Variants in MARK1 observed in about 807,000 individuals in gnomAD.
MARK1 encodes the protein serine/threonine-protein kinase MARK1.
Under a neutral mutation model 96.3 loss-of-function variants are expected in MARK1, and 40 were observed. That is an observed-to-expected ratio of 0.42 (90% confidence interval 0.32 to 0.54). The LOEUF is 0.54. Among genes scored for constraint, MARK1 ranks in the 20% least tolerant of loss-of-function variants. MARK1 has a pLI of 0.16. For synonymous variants in MARK1, 317 were observed against 341.2 expected (o/e 0.93, Z 0.78); for missense variants, 719 against 984.6 (o/e 0.73, Z 3.61).
At chr1:220,641,810 G>A (rs1376703348) in intron 13 of MARK1, among the ~76,000 whole-genome samples, 1 of 152,174 alleles carries the variant, frequency 6.6e-6, no homozygotes, top group African/African-American at 2.4e-5. Context: ...TCACCCAGGA[G>A]CTGCACTGGG....
At chr1:220,535,583 T>C (rs529507887) in intron 1 of MARK1, among the ~76,000 whole-genome samples, 1 of 152,270 alleles carries the variant, frequency 6.6e-6, no homozygotes, top group Non-Finnish European at 1.5e-5. Flanking sequence ...CAAGAAATCT[T>C]TGTCAAGACC....
chr1:220,570,384 A>G lies in MARK1; in HGVS notation c.52-8970A>G, dbSNP rs561946677. On this transcript the variant is annotated intron_variant, in intron 1 of 17. Transcript: ENST00000366917. Reference sequence around the variant, plus strand: ...ATTTACTTGGATTTTCTAGGTTTATATTTATACCAGCTGCAGAAAGAGAAT... The same window carrying G: ...ATTTACTTGGATTTTCTAGGTTTATGTTTATACCAGCTGCAGAAAGAGAAT... 3.9e-5 allele frequency among the ~76,000 whole-genome samples: 6 copies of G among 152,262 alleles called. No individual in the cohort carries two copies. The South Asian group carries it at 1.0e-3, about 26-fold the overall frequency.
At position 220,554,619 on chromosome 1, in the gene MARK1, G is replaced by A. The variant is rs2102754301; in HGVS notation, c.52-24735G>A. Among the ~76,000 whole-genome samples the A allele has an allele frequency of 2.0e-5, 3 of 152,302 alleles. No homozygotes were observed. In the South Asian group the frequency reaches 6.2e-4, roughly 32 times the overall value. Reference sequence around the variant, plus strand: ...GTAAATGAAGCAGCAAGCTGGTTCAGATGTTTCTTTACTAACAGTTATAAA... The same window carrying A: ...GTAAATGAAGCAGCAAGCTGGTTCAAATGTTTCTTTACTAACAGTTATAAA... On this transcript the variant is annotated intron_variant, in intron 1 of 17. Transcript: ENST00000366917.
At chr1:220,579,281 A>C in intron 1 of MARK1, 73 bp from the exon 2 acceptor site, 1 of 989,356 alleles carries the variant, frequency 1.0e-6, no homozygotes, top group Non-Finnish European at 1.5e-6. Flanking sequence ...AATAATAATT[A>C]TTTGTACTCT....
At chr1:220,570,483 A>T (rs1339652090) in intron 1 of MARK1, among the ~76,000 whole-genome samples, 1 of 152,028 alleles carries the variant, frequency 6.6e-6, no homozygotes, top group Admixed American at 6.6e-5. Flanking sequence ...TGCTTTGTTG[A>T]ATGAGGGTGT....
intron 3 of MARK1, among the ~76,000 whole-genome samples, chr1:220,588,977 T>C (rs1664819284): frequency 6.6e-6 from 1 of 152,156 alleles, no homozygotes; most frequent in African/African-American, 2.4e-5. Flanking sequence ...GAAGGCTATG[T>C]TGTAAGGCAC....
intron 13 of MARK1, among the ~76,000 whole-genome samples, chr1:220,650,324 C>T (rs1042975433): frequency 3.3e-5 from 5 of 152,176 alleles, no homozygotes; most frequent in Admixed American, 2.6e-4. Flanking sequence ...CCTGCCCTTT[C>T]TCTACCACCA....
chr1:220,643,507 G>A (rs150204500), intron 13 of MARK1, among the ~76,000 whole-genome samples: 158 of 152,190 alleles, frequency 1.0e-3, no homozygotes, highest in East Asian at 9.7e-3. Flanking sequence ...CACACTTCAG[G>A]ATATCATCCA....
intron 6 of MARK1, among the ~76,000 whole-genome samples, chr1:220,613,163 C>G (rs116285489): frequency 0.013 from 1,966 of 152,210 alleles, 22 homozygotes; most frequent in Middle Eastern, 0.037. Flanking sequence ...ATGGGAAGGT[C>G]TAGCTGTAAA....
intron 6 of MARK1, among the ~76,000 whole-genome samples, chr1:220,613,882 A>G (rs1029493102): frequency 6.6e-6 from 1 of 152,154 alleles, no homozygotes; most frequent in Non-Finnish European, 1.5e-5. Context: ...GACTTTGACC[A>G]ACCTATTTGT....
intron 9 of MARK1, among the ~76,000 whole-genome samples, 162 bp from the exon 10 acceptor site, chr1:220,630,873 G>A (rs1234209631): frequency 6.6e-6 from 1 of 152,126 alleles, no homozygotes; most frequent in Non-Finnish European, 1.5e-5. Context: ...GTTGTTGTGT[G>A]TGTCCCAAAG....
chr1:220,538,636 C>T (rs1156718892), intron 1 of MARK1, among the ~76,000 whole-genome samples: 6 of 151,142 alleles, frequency 4.0e-5, no homozygotes, highest in Non-Finnish European at 7.4e-5. Flanking sequence ...ATGGGGATGG[C>T]ATTGACTCTA....
intron 9 of MARK1, chr1:220,625,942 AG>A: frequency 1.8e-6 from 1 of 544,474 alleles, no homozygotes; most frequent in Non-Finnish European, 3.7e-6. Flanking sequence ...CAAGTACCAC[AG>A]GGATGACTAC....
intron 13 of MARK1, among the ~76,000 whole-genome samples, chr1:220,637,024 GA>G (rs1668003314): frequency 6.6e-6 from 1 of 152,082 alleles, no homozygotes; most frequent in Admixed American, 6.5e-5. Flanking sequence ...ATTGAGCCCA[GA>G]AATCTTATCT....
At chr1:220,626,366 T>C (rs1361183255) in intron 9 of MARK1, 3 of 550,080 alleles carry the variant, frequency 5.5e-6, no homozygotes, top group Non-Finnish European at 1.1e-5. Flanking sequence ...ACTAGGGATC[T>C]ACAGGATATT....
rs575741762 is a variant in MARK1, at chr1:220,529,854, A to G, written c.51+981A>G. Among the ~76,000 whole-genome samples, 6 of 152,302 alleles carry G rather than the reference A, an allele frequency of 3.9e-5. No individual in the cohort carries two copies. The South Asian group carries it at 1.2e-3, about 32-fold the overall frequency. ...TTTGTTTAAAACACTCAAGACCTGT[A>G]AATAGGGCTTGGCTGATTTTCCGAC... On this transcript the variant is annotated intron_variant, in intron 1 of 17. Transcript: ENST00000366917.
At chr1:220,610,607 G>A (rs1255070302) in intron 6 of MARK1, among the ~76,000 whole-genome samples, 1 of 152,220 alleles carries the variant, frequency 6.6e-6, no homozygotes, top group African/African-American at 2.4e-5. Context: ...GCAAGGAGCT[G>A]CGATCCTTTG....
rs1301819247 is a variant in MARK1 at position 220,604,061 on chromosome 1, A to G, written c.425-6A>G. On this transcript the variant is annotated splice_polypyrimidine_tract_variant and splice_region_variant and intron_variant, in intron 5 of 17. Transcript: ENST00000366917. ...TTTTACTACCTGCTTTACCTTTCTG[A>G]TTCAGGTGAAGTATTTGATTACTTA... 1 of 1,598,952 alleles carries G rather than the reference A, an allele frequency of 6.3e-7. No individual in the cohort carries two copies. Among genetic ancestry groups the G allele is most frequent in the South Asian group, 1.1e-5 (1 of 89,020 alleles).
chr1:220,580,197 A>G (rs1055476593), intron 2 of MARK1, among the ~76,000 whole-genome samples: 26 of 152,024 alleles, frequency 1.7e-4, no homozygotes, highest in African/African-American at 5.3e-4. Flanking sequence ...AAAAATCTCA[A>G]TCAGGCCCAA....
Sources: allele counts gnomAD v4.1 joint callset (sites outside exome capture counted in the v4.1 genomes callset), GRCh38; gene constraint gnomAD v4.1.1; transcripts MANE v1.5; gene names NCBI Gene and HGNC (gene_info 2026-07-23, HGNC 2026-07-21).